The following CPS1 variants were observed in gnomAD, a reference collection of about 807,000 sequenced individuals.
CPS1 encodes the protein carbamoyl-phosphate synthase 1, also known as carbamoyl-phosphate synthase [ammonia], mitochondrial.
CPS1 carries 109 observed loss-of-function variants against 174.6 expected under a neutral mutation model. The observed-to-expected ratio is 0.62, with a 90% CI of 0.53 to 0.73. The LOEUF (loss-of-function observed/expected upper bound fraction) is 0.73, where lower values mean the gene tolerates loss of function less well. CPS1 is among the 30% of genes least tolerant of loss of function. The pLI, the probability that CPS1 is intolerant of heterozygous loss-of-function variation, is 0.00. For synonymous variants in CPS1, 637 were observed against 632.0 expected (o/e 1.01, Z -0.12); for missense variants, 1,689 against 1,821.9 (o/e 0.93, Z 1.33).
intron 5 of CPS1, among the ~76,000 whole-genome samples, chr2:210,580,882 A>G (rs1178520446): frequency 6.6e-6 from 1 of 151,188 alleles, no homozygotes; most frequent in South Asian, 2.1e-4. Flanking sequence ...AAAAGTACAT[A>G]TGGGAAAAGG....
intron 13 of CPS1, among the ~76,000 whole-genome samples, chr2:210,598,749 C>A (rs1484074797): frequency 1.3e-5 from 2 of 151,740 alleles, no homozygotes; most frequent in East Asian, 3.9e-4. Context: ...ACTTAGACTC[C>A]CACACAATAA....
At chr2:210,534,832 A>G (rs1696205629) in intron 1 of CPS1, among the ~76,000 whole-genome samples, 1 of 152,158 alleles carries the variant, frequency 6.6e-6, no homozygotes, top group African/African-American at 2.4e-5. Context: ...ATCCTTATAG[A>G]TGATCTAAGT....
At chr2:210,550,404 C>G (rs1401979661) in intron 1 of CPS1, among the ~76,000 whole-genome samples, 1 of 151,948 alleles carries the variant, frequency 6.6e-6, no homozygotes, top group Admixed American at 6.6e-5. Flanking sequence ...TGAACATTGC[C>G]TAAGACTTGA....
At chr2:210,513,220 G>T (rs1274358303) in intron 1 of CPS1, among the ~76,000 whole-genome samples, 1 of 149,426 alleles carries the variant, frequency 6.7e-6, no homozygotes, top group East Asian at 2.0e-4. Context: ...GGGTCAAATG[G>T]TAGTTCTGCT....
chr2:210,642,734 T>C (rs1422214127), intron 25 of CPS1, 69 bp downstream of exon 25: 1 of 1,368,928 alleles, frequency 7.3e-7, no homozygotes, highest in African/African-American at 1.4e-5. Flanking sequence ...TTTATATATA[T>C]GCATTCTGGT....
chr2:210,526,301 C>T (rs1171355946), intron 1 of CPS1, among the ~76,000 whole-genome samples: 2 of 151,312 alleles, frequency 1.3e-5, no homozygotes, highest in Non-Finnish European at 2.9e-5. Context: ...TTGATGGGTG[C>T]AGCAAACCAC....
In CPS1 at chr2:210,591,910, A is replaced by G; in HGVS notation, c.1027A>G (p.Asn343Asp). 1 of 1,612,518 alleles carries G rather than the reference A, an allele frequency of 6.2e-7. No individual in the cohort carries two copies. Among genetic ancestry groups the G allele is most frequent in the Non-Finnish European group, 8.5e-7 (1 of 1,179,074 alleles). Residue 343 changes from asparagine (N) to aspartate (D), a missense_variant, in exon 10 of 38, where the codon AAC (asparagine) becomes GAC (aspartate). Coordinates refer to ENST00000233072, the MANE Select transcript of CPS1 (RefSeq NM_001875.5). Reference protein sequence around the residue: ...TAQNHGYALDNTLPAGWKPLF... With the variant: ...TAQNHGYALDDTLPAGWKPLF... ...TCAGAATCATGGCTATGCCTTGGAC[A>G]ACACCCTCCCTGCTGGCTGGAAACC...
At chr2:210,538,208 A>G (rs1185712571) in intron 1 of CPS1, among the ~76,000 whole-genome samples, 3 of 152,122 alleles carry the variant, frequency 2.0e-5, no homozygotes, top group Admixed American at 1.3e-4. Context: ...TTGTTCTAAT[A>G]TGTTCTTCAA....
chr2:210,492,274 A>G (rs968296717), intron 1 of CPS1, among the ~76,000 whole-genome samples: 11 of 152,240 alleles, frequency 7.2e-5, no homozygotes, highest in Non-Finnish European at 1.5e-4. Context: ...CTTTATGTAC[A>G]TATGAAAGTA....
At chr2:210,577,717 T>A (rs527810760) in intron 4 of CPS1, among the ~76,000 whole-genome samples, 1 of 152,142 alleles carries the variant, frequency 6.6e-6, no homozygotes. Flanking sequence ...GTTTATCCAC[T>A]AGGTGGCACT....
intron 1 of CPS1, among the ~76,000 whole-genome samples, chr2:210,549,374 C>G (rs573910874): frequency 6.6e-5 from 10 of 151,804 alleles, no homozygotes; most frequent in Non-Finnish European, 1.5e-4. Flanking sequence ...ATTTTCTTAA[C>G]AGTATTTGCT....
At chr2:210,507,828 CTATCCTAAA>C (rs1444465162) in intron 1 of CPS1, among the ~76,000 whole-genome samples, 1 of 152,032 alleles carries the variant, frequency 6.6e-6, no homozygotes, top group East Asian at 1.9e-4. Context: ...GAAGAGCTAA[CTATCCTAAA>C]TATATATGCA....
At chr2:210,588,178 G>A (rs376312096) in intron 7 of CPS1, 31 bp downstream of exon 7, 3 of 1,583,574 alleles carry the variant, frequency 1.9e-6, no homozygotes, top group South Asian at 2.2e-5. Flanking sequence ...AAAGGTGAGG[G>A]TTTGTCATAT....
intron 33 of CPS1, among the ~76,000 whole-genome samples, chr2:210,664,832 G>A (rs1179516099): frequency 1.3e-5 from 2 of 152,104 alleles, no homozygotes; most frequent in African/African-American, 4.8e-5. Context: ...ATATTACGAG[G>A]TCTGTTTTAT....
chr2:210,507,207 A>G (rs1040512368), intron 1 of CPS1, among the ~76,000 whole-genome samples: 7 of 152,228 alleles, frequency 4.6e-5, no homozygotes, highest in African/African-American at 1.7e-4. Flanking sequence ...GGCAGAAGAG[A>G]GTGGGGGCCA....
intron 20 of CPS1, among the ~76,000 whole-genome samples, chr2:210,613,535 A>G (rs936082220): frequency 6.6e-6 from 1 of 151,714 alleles, no homozygotes. Context: ...TCTTTTATTT[A>G]AGAAGCAGCT....
intron 34 of CPS1, among the ~76,000 whole-genome samples, chr2:210,669,183 G>A (rs1701208865): frequency 6.6e-6 from 1 of 152,032 alleles, no homozygotes; most frequent in Non-Finnish European, 1.5e-5. Flanking sequence ...AAATCTTAGG[G>A]CAAAATGATA....
intron 28 of CPS1, among the ~76,000 whole-genome samples, chr2:210,653,503 G>A (rs1215958398): frequency 2.0e-5 from 3 of 152,218 alleles, no homozygotes; most frequent in East Asian, 1.9e-4. Context: ...AAATCAACTC[G>A]AGGTAAAGGA....
At chr2:210,490,433 A>G (rs1026359289) in intron 1 of CPS1, among the ~76,000 whole-genome samples, 1 of 152,204 alleles carries the variant, frequency 6.6e-6, no homozygotes, top group African/African-American at 2.4e-5. Context: ...TACTTAATAA[A>G]TCCATAAGTA....
Sources: gnomAD v4.1 joint callset for allele counts (sites outside exome capture counted in the v4.1 genomes callset) on GRCh38, gnomAD v4.1.1 for gene constraint, MANE v1.5 for transcripts, NCBI Gene and HGNC (gene_info 2026-07-23, HGNC 2026-07-21) for gene names.